The following NBPF26 variants were observed in gnomAD, a reference collection of about 807,000 sequenced individuals.
NBPF26 encodes NBPF family member NBPF26.
NBPF26 carries 79 observed loss-of-function variants against 119.6 expected under a neutral mutation model. The observed-to-expected ratio is 0.66, with a 90% CI of 0.55 to 0.80. The LOEUF is 0.80. Ranked by LOEUF, NBPF26 falls within the 30% of genes least tolerant of loss-of-function variation. The probability of loss-of-function intolerance (pLI) is 0.00; values close to 1 mark genes in which losing one functional copy is unlikely to be tolerated. For missense variants in NBPF26, 800 were observed against 1,198.2 expected (o/e 0.67, Z 4.91); for synonymous variants, 299 against 457.7 (o/e 0.65, Z 4.43).
At position 120,724,325 on chromosome 1, in the gene NBPF26, CCTT is replaced by C. The variant is rs1385259084; in HGVS notation, c.73+78_73+80del. 46 of 1,361,420 alleles carry C rather than the reference CCTT, an allele frequency of 3.4e-5. 6 individuals are homozygous for C. In the East Asian group the frequency reaches 1.1e-3, roughly 34 times the overall value. 84.3% of individuals were successfully genotyped at this position (1,361,420 alleles called of 1,614,324 possible). On this transcript the variant is annotated intron_variant, in intron 1 of 29. Transcript: ENST00000620612. ...TGGGGCGACCCTTCTCCCCCTCAGTCCTTCTCTGTGTGGGAAGGCCAGGCTCGG... is the reference window on the plus strand; with the variant it reads ...TGGGGCGACCCTTCTCCCCCTCAGTCCTCTGTGTGGGAAGGCCAGGCTCGG...
Position 120,823,973 on chromosome 1 carries a change from G to C in NBPF26, c.2640-1G>C. The C allele has an allele frequency of 1.2e-6, 1 of 826,818 alleles. No homozygotes were observed. The highest frequency in any genetic ancestry group is 1.8e-6 in the Non-Finnish European group (1 of 549,662). 51.2% of individuals were successfully genotyped at this position (826,818 alleles called of 1,614,324 possible). A position where few individuals can be genotyped will look rare whatever the true frequency, so the allele number is the denominator to read the frequency against. On this transcript the variant is annotated splice_acceptor_variant, in intron 17 of 29. Coordinates refer to ENST00000620612, the Ensembl canonical transcript of NBPF26. LOFTEE classifies it high-confidence loss of function. ...TTCTTTACTTTTTCCCACTTTTCCA[G>C]GCTCAGCAGAGAGCTGCTGGATGAG... is the stretch of plus-strand genomic sequence containing the variant.
rs1452063102 is a variant in NBPF26 at position 120,822,927 on chromosome 1, T to C, written c.2588-382T>C. Among the ~76,000 whole-genome samples the C allele has an allele frequency of 1.6e-5, 2 of 125,220 alleles. 1 individual carries two copies. The highest frequency in any genetic ancestry group is 3.2e-5 in the Non-Finnish European group (2 of 61,716). 82.1% of individuals were successfully genotyped at this position (125,220 alleles called of 152,430 possible). ...ATTGCACCCTTTCATCAAATCTCTG[T>C]GTCCACAATCTCATAAACTATCAAA... is the stretch of plus-strand genomic sequence containing the variant. On this transcript the variant is annotated intron_variant, in intron 16 of 29. Transcript: ENST00000620612.
rs1410073585 is a variant in NBPF26, at chr1:120,794,305, C to G, written c.751+809C>G. Among the ~76,000 whole-genome samples, 10 of 108,740 alleles carry G rather than the reference C, an allele frequency of 9.2e-5. 1 individual carries two copies. Among genetic ancestry groups the G allele is most frequent in the Admixed American group, 6.3e-4 (7 of 11,086 alleles). 71.3% of individuals were successfully genotyped at this position (108,740 alleles called of 152,430 possible). A position where few individuals can be genotyped will look rare whatever the true frequency, so the allele number is the denominator to read the frequency against. On this transcript the variant is annotated intron_variant, in intron 4 of 29. Coordinates refer to ENST00000620612, the Ensembl canonical transcript of NBPF26. ...AAGGAACAAGCTTGGCCAATTCATT[C>G]AACTCCTTATAAAAATGATGAGGAG... is the stretch of plus-strand genomic sequence containing the variant.
chr1:120,785,080 G>C, exon 3 of NBPF26: 1 of 1,446,216 alleles, frequency 6.9e-7, no homozygotes, highest in Middle Eastern at 1.8e-4. Flanking sequence ...GCTGGGGAAA[G>C]CCACGTGCCG....
intron 16 of NBPF26, among the ~76,000 whole-genome samples, chr1:120,822,573 T>C (rs1476291664): frequency 5.3e-4 from 58 of 109,116 alleles, no homozygotes; most frequent in African/African-American, 2.4e-3. Flanking sequence ...TGCCCAGGAG[T>C]TGTCTGTCAG....
intron 3 of NBPF26, among the ~76,000 whole-genome samples, chr1:120,791,420 G>A (rs1300793727): frequency 9.3e-6 from 1 of 107,756 alleles, no homozygotes; most frequent in Non-Finnish European, 1.7e-5. Context: ...ATGATAGACT[G>A]GATTAAGAAA....
intron 1 of NBPF26, among the ~76,000 whole-genome samples, chr1:120,730,030 G>T (rs1650858879): frequency 2.0e-5 from 2 of 100,542 alleles, no homozygotes; most frequent in Non-Finnish European, 3.6e-5. Flanking sequence ...AAAGTTGTTT[G>T]TTTTGTCTTA....
rs1652128228 is a variant in NBPF26, at chr1:120,822,026, C to T, written c.2424-78C>T. 2 of 1,413,864 alleles carry T rather than the reference C, an allele frequency of 1.4e-6. 1 individual carries two copies. The highest frequency in any genetic ancestry group is 2.4e-5 in the South Asian group (2 of 82,766). 87.6% of individuals were successfully genotyped at this position (1,413,864 alleles called of 1,614,324 possible). A position where few individuals can be genotyped will look rare whatever the true frequency, so the allele number is the denominator to read the frequency against. ...GTGACCACTCCATTCTGTCTCCCAT[C>T]AGATCATCTGGGAGGTTTTGTTGTC... On this transcript the variant is annotated intron_variant, in intron 15 of 29. Coordinates refer to ENST00000620612, the Ensembl canonical transcript of NBPF26.
chr1:120,810,301 C>G (rs1309777907), intron 8 of NBPF26, 46 bp from the exon 9 acceptor site: 1 of 1,526,030 alleles, frequency 6.6e-7, no homozygotes, highest in African/African-American at 1.8e-5. Context: ...GGTCCAATCC[C>G]TCTGTGTTTA....
rs1194869553 is a variant in NBPF26, at chr1:120,790,260, C to T, written c.416-2901C>T. Reference sequence around the variant, plus strand: ...GGATCGCCTGACCTCATGATCCACCCGCCTCGGCCTCCCAAAGTGCTGGGA... The same window carrying T: ...GGATCGCCTGACCTCATGATCCACCTGCCTCGGCCTCCCAAAGTGCTGGGA... On this transcript the variant is annotated intron_variant, in intron 3 of 29. Coordinates refer to ENST00000620612, the Ensembl canonical transcript of NBPF26. Among the ~76,000 whole-genome samples the T allele has an allele frequency of 4.4e-3, 480 of 108,266 alleles. 116 individuals carry two copies. The highest frequency in any genetic ancestry group is 6.6e-3 in the Non-Finnish European group (383 of 57,940). 71.0% of individuals were successfully genotyped at this position (108,266 alleles called of 152,430 possible). A position where few individuals can be genotyped will look rare whatever the true frequency, so the allele number is the denominator to read the frequency against.
rs1408200911 is a variant in NBPF26, at chr1:120,728,423, A to T, written c.73+4173A>T. ...TTTCCCTTCCCCAGATGTTTCATTTAAACTTGTAATTTTGAATTTCTTTGT... is the reference window on the plus strand; with the variant it reads ...TTTCCCTTCCCCAGATGTTTCATTTTAACTTGTAATTTTGAATTTCTTTGT... On this transcript the variant is annotated intron_variant, in intron 1 of 29. Coordinates refer to ENST00000620612, the Ensembl canonical transcript of NBPF26. Among the ~76,000 whole-genome samples the T allele has an allele frequency of 1.6e-4, 18 of 110,518 alleles. 3 individuals are homozygous for T. The highest frequency in any genetic ancestry group is 1.7e-4 in the Admixed American group (2 of 11,430). The allele number at this position is 110,518 out of a possible 152,430, so 72.5% of individuals were successfully genotyped here. A position where few individuals can be genotyped will look rare whatever the true frequency, so the allele number is the denominator to read the frequency against.
chr1:120,784,531 C>A (rs1439978312), intron 2 of NBPF26, among the ~76,000 whole-genome samples: 2 of 117,194 alleles, frequency 1.7e-5, no homozygotes, highest in Admixed American at 8.1e-5. Flanking sequence ...ATTACTCTCA[C>A]CTTATTTAGG....
chr1:120,840,584 C>G lies in NBPF26; in HGVS notation c.4338C>G (p.Phe1446Leu), dbSNP rs1447338775. 8 of 1,463,824 alleles carry G rather than the reference C, an allele frequency of 5.5e-6. 1 individual carries two copies. Among genetic ancestry groups the G allele is most frequent in the Non-Finnish European group, 7.4e-6 (8 of 1,085,336 alleles). The allele number at this position is 1,463,824 out of a possible 1,614,324, so 90.7% of individuals were successfully genotyped here. The change falls in exon 30 of 30, where the codon TTC becomes TTG. Residue 1446 changes from phenylalanine to leucine, a missense_variant. Phe to Leu is a conservative substitution (Grantham distance 22, BLOSUM62 0). Around this residue, in one of 13 missense-constraint regions of NBPF26, gnomAD observed 155 missense variants for 95.9 expected, o/e 1.62. Coordinates refer to ENST00000620612, the Ensembl canonical transcript of NBPF26. ...TGGTGTTCCAGATGGGAGTCATATTCCCACAATAAGCAGCCCTTACTAAGC... is the reference window on the plus strand; with the variant it reads ...TGGTGTTCCAGATGGGAGTCATATTGCCACAATAAGCAGCCCTTACTAAGC...
chr1:120,833,229 T>G (rs1288520847), intron 23 of NBPF26, among the ~76,000 whole-genome samples: 1 of 115,466 alleles, frequency 8.7e-6, no homozygotes, highest in Non-Finnish European at 1.7e-5. Flanking sequence ...GCATCGAATT[T>G]TGAGCATATT....
chr1:120,802,802 T>G lies in NBPF26; in HGVS notation c.752-2754T>G, dbSNP rs1231550218. 5.3e-4 allele frequency among the ~76,000 whole-genome samples: 61 copies of G among 114,488 alleles called. 3 individuals carry two copies. The highest frequency in any genetic ancestry group is 2.7e-3 in the African/African-American group (53 of 19,490). 75.1% of individuals were successfully genotyped at this position (114,488 alleles called of 152,430 possible). A position where few individuals can be genotyped will look rare whatever the true frequency, so the allele number is the denominator to read the frequency against. ...AGTTGTGTTCACTAGATCAGAGGCA[T>G]TGAGACATGAAGAACAGACCCTTAA... On this transcript the variant is annotated intron_variant, in intron 4 of 29. Coordinates refer to ENST00000620612, the Ensembl canonical transcript of NBPF26.
rs1222220452 is a variant in NBPF26 at position 120,767,849 on chromosome 1, T to C, written c.155+4140T>C. 1.7e-4 allele frequency among the ~76,000 whole-genome samples: 19 copies of C among 112,178 alleles called. 3 individuals are homozygous for C. Among genetic ancestry groups the C allele is most frequent in the Non-Finnish European group, 3.0e-4 (18 of 59,392 alleles). The allele number at this position is 112,178 out of a possible 152,430, so 73.6% of individuals were successfully genotyped here. On this transcript the variant is annotated intron_variant, in intron 2 of 29. Transcript: ENST00000620612. ...GTAGGTTAGGTTATGATTTGTATAA[T>C]TGACAAAATATGTATTTTAAGGACA...
At position 120,811,927 on chromosome 1, in the gene NBPF26, G is replaced by C; in HGVS notation, c.1606G>C (p.Val536Leu). ...TTCTGCCACAAACGTCAGCATGGTG[G>C]TATCAGCCGGCCCTTTGTCCGGCGA... The change falls in exon 10 of 30, where the codon GTA becomes CTA. Residue 536 changes from valine to leucine, a missense_variant. Physicochemically the swap from Val to Leu is conservative, Grantham distance 32. Transcript: ENST00000620612. The C allele has an allele frequency of 1.3e-5, 15 of 1,121,494 alleles. 3 individuals are homozygous for C. The highest frequency in any genetic ancestry group is 1.9e-5 in the Non-Finnish European group (15 of 790,874). The allele number at this position is 1,121,494 out of a possible 1,614,324, so 69.5% of individuals were successfully genotyped here.
chr1:120,759,807 C>A (rs1251261836), intron 1 of NBPF26, among the ~76,000 whole-genome samples: 1 of 116,054 alleles, frequency 8.6e-6, no homozygotes, highest in African/African-American at 5.2e-5. Flanking sequence ...GTGTATCCTT[C>A]ATCTCAAATA....
rs1651392383 is a variant in NBPF26 at position 120,783,783 on chromosome 1, A to G, written c.156-1191A>G. On this transcript the variant is annotated intron_variant, in intron 2 of 29. Transcript: ENST00000620612. ...TATGGGGAAGAAGGAGAAATCAGCA[A>G]TCCAGACTAAGACTTCACTGGGTTT... Among the ~76,000 whole-genome samples the G allele has an allele frequency of 1.7e-5, 2 of 115,328 alleles. 1 individual carries two copies. The highest frequency in any genetic ancestry group is 1.0e-4 in the African/African-American group (2 of 19,340). The allele number at this position is 115,328 out of a possible 152,430, so 75.7% of individuals were successfully genotyped here.
Sources: allele counts gnomAD v4.1 joint callset (sites outside exome capture counted in the v4.1 genomes callset), GRCh38; gene constraint gnomAD v4.1.1; regional missense constraint gnomAD v4.1.1; transcripts MANE v1.5; gene names NCBI Gene and HGNC (gene_info 2026-07-23, HGNC 2026-07-21).